Variants in STXBP5 observed in about 807,000 individuals in gnomAD.
STXBP5 encodes syntaxin-binding protein 5.
A neutral mutation model predicts 152.4 loss-of-function variants in STXBP5; 50 were observed. That is an observed-to-expected ratio of 0.33 (90% CI 0.26 to 0.42). STXBP5 has a LOEUF of 0.42. Ranked by LOEUF, STXBP5 falls within the 10% of genes least tolerant of loss-of-function variation. The pLI is 1.00. For synonymous variants in STXBP5, 492 were observed against 494.7 expected (o/e 0.99, Z 0.07); for missense variants, 1,167 against 1,388.6 (o/e 0.84, Z 2.54).
chr6:147,287,816 T>C (rs566448191), intron 8 of STXBP5, among the ~76,000 whole-genome samples: 1 of 152,220 alleles, frequency 6.6e-6, no homozygotes, highest in African/African-American at 2.4e-5. Context: ...CCCCGAAATA[T>C]TGAAGTTTTA....
At chr6:147,205,460 C>T (rs904720185) in intron 1 of STXBP5, among the ~76,000 whole-genome samples, 1 of 151,480 alleles carries the variant, frequency 6.6e-6, no homozygotes, top group Admixed American at 6.6e-5. Context: ...ATGTTGTACT[C>T]ATCTTCATTC....
rs1282689578 is a variant in STXBP5, at chr6:147,316,214, T to A, written c.1624-15T>A. On this transcript the variant is annotated splice_polypyrimidine_tract_variant and intron_variant, in intron 15 of 27. Transcript: ENST00000321680. ...AATTATTAGGAGTAAGTAAACTACCTTACTTTTACAACAGATGCTTGAAGT... is the reference window on the plus strand; with the variant it reads ...AATTATTAGGAGTAAGTAAACTACCATACTTTTACAACAGATGCTTGAAGT... 2 of 1,612,710 alleles carry A rather than the reference T, an allele frequency of 1.2e-6. No individual in the cohort carries two copies. Among genetic ancestry groups the A allele is most frequent in the South Asian group, 2.2e-5 (2 of 91,034 alleles).
chr6:147,222,867 C>T (rs1157064623), intron 2 of STXBP5, among the ~76,000 whole-genome samples: 1 of 152,184 alleles, frequency 6.6e-6, no homozygotes, highest in African/African-American at 2.4e-5. Flanking sequence ...TTCTGACTTG[C>T]CTATTTTGAG....
Position 147,380,215 on chromosome 6 carries a change from T to C in STXBP5, c.3194-2563T>C, listed in dbSNP as rs574989364. On this transcript the variant is annotated intron_variant, in intron 26 of 27. Transcript: ENST00000321680. The stretch of plus-strand genomic sequence containing the variant: ...ACACACACACACACACACACAAATA[T>C]TGAAAAAGAAAAAAGCTGGAGGGAC... Among the ~76,000 whole-genome samples the C allele has an allele frequency of 4.2e-5, 6 of 143,294 alleles. 1 individual carries two copies. In the South Asian group the frequency reaches 1.3e-3, roughly 31 times the overall value. The allele number at this position is 143,294 out of a possible 152,430, so 94.0% of individuals were successfully genotyped here. A position where few individuals can be genotyped will look rare whatever the true frequency, so the allele number is the denominator to read the frequency against.
chr6:147,246,117 C>T (rs889594765), intron 4 of STXBP5, among the ~76,000 whole-genome samples: 11 of 152,148 alleles, frequency 7.2e-5, no homozygotes, highest in African/African-American at 1.2e-4. Context: ...TCTTTGCTCC[C>T]ATAGAAACTG....
intron 2 of STXBP5, among the ~76,000 whole-genome samples, chr6:147,214,121 A>C (rs1207266083): frequency 6.6e-6 from 1 of 152,190 alleles, no homozygotes; most frequent in Non-Finnish European, 1.5e-5. Flanking sequence ...TCCTGTAGAG[A>C]CATTCAGGTT....
chr6:147,315,813 T>G (rs1364832785), intron 15 of STXBP5, 78 bp downstream of exon 15: 1 of 1,362,924 alleles, frequency 7.3e-7, no homozygotes, highest in Non-Finnish European at 1.0e-6. Flanking sequence ...TTGGAAGACT[T>G]TTTGCAGTCA....
chr6:147,272,326 A>G (rs1361846707), intron 7 of STXBP5, among the ~76,000 whole-genome samples: 1 of 152,202 alleles, frequency 6.6e-6, no homozygotes, highest in East Asian at 1.9e-4. Flanking sequence ...CTTGGTGAAC[A>G]CAGATGCCTA....
At chr6:147,374,494 G>T (rs906206751) in intron 26 of STXBP5, among the ~76,000 whole-genome samples, 3 of 152,078 alleles carry the variant, frequency 2.0e-5, no homozygotes, top group Non-Finnish European at 4.4e-5. Flanking sequence ...CAAATGATTG[G>T]TCTGTAGTTT....
rs535980261 is a variant in STXBP5, at chr6:147,364,231, T to C, written c.3081+65T>C. 4 of 1,394,230 alleles carry C rather than the reference T, an allele frequency of 2.9e-6. No individual in the cohort carries two copies. In the African/African-American group the frequency reaches 4.3e-5, roughly 15 times the overall value. The allele number at this position is 1,394,230 out of a possible 1,614,324, so 86.4% of individuals were successfully genotyped here. A position where few individuals can be genotyped will look rare whatever the true frequency, so the allele number is the denominator to read the frequency against. The stretch of plus-strand genomic sequence containing the variant: ...AAGTATTCTCTGAGGGCCCGTATAC[T>C]GTCTGCCCCTTATTCTCATGGAACT... On this transcript the variant is annotated intron_variant, in intron 25 of 27. Coordinates refer to ENST00000321680, the MANE Select transcript of STXBP5 (RefSeq NM_001127715.4).
intron 4 of STXBP5, among the ~76,000 whole-genome samples, chr6:147,257,079 T>G (rs1779404536): frequency 6.6e-6 from 1 of 152,008 alleles, no homozygotes; most frequent in Non-Finnish European, 1.5e-5. Flanking sequence ...CTTAAATTCC[T>G]TAAGCAAATA....
At chr6:147,205,935 G>T (rs747591655) in intron 1 of STXBP5, 36 bp from the exon 2 acceptor site, 85 of 1,555,290 alleles carry the variant, frequency 5.5e-5, no homozygotes, top group Non-Finnish European at 7.3e-5. Flanking sequence ...TTCGCTTGCT[G>T]CCTTGGTTGC....
chr6:147,276,964 G>C (rs568278379), intron 7 of STXBP5, among the ~76,000 whole-genome samples: 101 of 152,168 alleles, frequency 6.6e-4, no homozygotes, highest in African/African-American at 2.4e-3. Flanking sequence ...TTGAACCATC[G>C]TAAGTAAGGG....
chr6:147,375,606 A>C (rs900656124), intron 26 of STXBP5, among the ~76,000 whole-genome samples: 1 of 151,052 alleles, frequency 6.6e-6, no homozygotes, highest in Non-Finnish European at 1.5e-5. Flanking sequence ...AAGGACTGCA[A>C]AGAAGAATAC....
intron 2 of STXBP5, among the ~76,000 whole-genome samples, chr6:147,220,068 G>A (rs947720348): frequency 6.6e-6 from 1 of 151,590 alleles, no homozygotes; most frequent in Non-Finnish European, 1.5e-5. Context: ...ATTTTGATAA[G>A]TTGTTTTCAT....
chr6:147,268,218 A>G (rs1337699738), intron 7 of STXBP5, among the ~76,000 whole-genome samples: 1 of 152,088 alleles, frequency 6.6e-6, no homozygotes, highest in East Asian at 1.9e-4. Flanking sequence ...CCTCCTCCCT[A>G]CTAATCTGTA....
intron 25 of STXBP5, among the ~76,000 whole-genome samples, chr6:147,370,422 G>A (rs530077679): frequency 6.8e-4 from 104 of 152,168 alleles, no homozygotes; most frequent in African/African-American, 2.3e-3. Context: ...GTAAAGCTGT[G>A]TAAAAGATTA....
Position 147,260,719 on chromosome 6 carries a change from A to G in STXBP5, c.536A>G (p.Tyr179Cys). 1 of 1,613,590 alleles carries G rather than the reference A, an allele frequency of 6.2e-7. No individual in the cohort carries two copies. The highest frequency in any genetic ancestry group is 8.5e-7 in the Non-Finnish European group (1 of 1,179,674). Residue 179 changes from tyrosine to cysteine, a missense_variant, in exon 5 of 28, where the codon TAC becomes TGC. By Grantham distance (194) the Tyr-to-Cys change is radical (BLOSUM62 -2). Coordinates refer to ENST00000321680, the MANE Select transcript of STXBP5 (RefSeq NM_001127715.4). ...GTGGAGTCCTTCACACTCTCAGGCT[A>G]CGTCATTATGTGGAATAAAGCCATT... ...VNVESFTLSG[Y>C]VIMWNKAIEL...
At chr6:147,254,853 G>A (rs990480652) in intron 4 of STXBP5, among the ~76,000 whole-genome samples, 4 of 152,136 alleles carry the variant, frequency 2.6e-5, no homozygotes, top group East Asian at 3.9e-4. Flanking sequence ...ATAGGAATGC[G>A]TTTACTTTGT....
Sources: gnomAD v4.1 joint callset for allele counts (sites outside exome capture counted in the v4.1 genomes callset) on GRCh38, gnomAD v4.1.1 for gene constraint, MANE v1.5 for transcripts, NCBI Gene and HGNC (gene_info 2026-07-23, HGNC 2026-07-21) for gene names.